ATG13: variants seen among roughly 807,000 people sequenced by gnomAD.
ATG13 encodes the protein autophagy-related protein 13.
A neutral mutation model predicts 65.5 loss-of-function variants in ATG13; 23 were observed. The ratio of observed to expected loss-of-function variants is 0.35; its 90% confidence interval spans 0.25 to 0.50. The LOEUF (loss-of-function observed/expected upper bound fraction) is 0.50. ATG13 is among the 20% of genes least tolerant of loss of function. The pLI, the probability that ATG13 is intolerant of heterozygous loss-of-function variation, is 0.98. For synonymous variants in ATG13, 252 were observed against 245.2 expected, an observed-to-expected ratio of 1.03 and a Z score of -0.26; for missense variants, 566 against 677.0, an observed-to-expected ratio of 0.84 and a Z score of 1.82.
intron 1 of ATG13, among the ~76,000 whole-genome samples, chr11:46,622,110 TATATATATATATATA>T (rs1565398368): frequency 4.3e-4 from 40 of 93,778 alleles, no homozygotes; most frequent in African/African-American, 1.5e-3. Context: ...TATATATATA[TATATATATATATATA>T]TATTTATTTT....
intron 10 of ATG13, among the ~76,000 whole-genome samples, chr11:46,658,343 T>C (rs2060445049): frequency 6.6e-6 from 1 of 152,164 alleles, no homozygotes; most frequent in Non-Finnish European, 1.5e-5. Flanking sequence ...GTGGAGTCTC[T>C]ACTACTGATA....
intron 11 of ATG13, among the ~76,000 whole-genome samples, chr11:46,663,506 A>G (rs1410168887): frequency 6.6e-6 from 1 of 152,138 alleles, no homozygotes; most frequent in Non-Finnish European, 1.5e-5. Flanking sequence ...TTCAAGTTCC[A>G]GCCACCCCTT....
intron 14 of ATG13, among the ~76,000 whole-genome samples, chr11:46,665,755 C>T (rs935612748): frequency 1.2e-4 from 18 of 150,342 alleles, no homozygotes; most frequent in Admixed American, 1.1e-3. Flanking sequence ...ATTAACCTGG[C>T]CAATATAGTG....
At chr11:46,620,833 G>T (rs1456214901) in intron 1 of ATG13, among the ~76,000 whole-genome samples, 1 of 152,008 alleles carries the variant, frequency 6.6e-6, no homozygotes, top group Non-Finnish European at 1.5e-5. Context: ...GGTCTCCTCA[G>T]TAAAAGTAAA....
intron 2 of ATG13, among the ~76,000 whole-genome samples, chr11:46,633,492 C>T (rs1042112372): frequency 4.0e-5 from 6 of 151,818 alleles, no homozygotes; most frequent in Admixed American, 2.0e-4. Flanking sequence ...GGATTACAGG[C>T]GCCCGCCACC....
At chr11:46,659,770 G>T (rs901809587) in intron 11 of ATG13, 15 of 292,878 alleles carry the variant, frequency 5.1e-5, no homozygotes, top group Non-Finnish European at 8.3e-5. Flanking sequence ...TGACACCAGA[G>T]ATTTTGTCTA....
intron 2 of ATG13, among the ~76,000 whole-genome samples, chr11:46,634,892 C>T (rs1467574470): frequency 4.0e-5 from 6 of 151,280 alleles, no homozygotes; most frequent in East Asian, 2.0e-4. Context: ...TAGTAGAGGC[C>T]GGGTTTCACC....
chr11:46,625,153 T>C (rs913835197), intron 1 of ATG13: 51 of 147,362 alleles, frequency 3.5e-4, no homozygotes, highest in Admixed American at 1.4e-4. Context: ...CATATCAAGA[T>C]CGCGTTGCTA....
At position 46,656,242 on chromosome 11, in the gene ATG13, T is replaced by C. The variant is rs1208469000; in HGVS notation, c.468T>C (p.Phe156=). The C allele has an allele frequency of 6.2e-7, 1 of 1,613,176 alleles. No homozygotes were observed. Among genetic ancestry groups the C allele is most frequent in the Admixed American group, 1.7e-5 (1 of 60,020 alleles). The part of the protein sequence containing the change: ...HEYVILYRIY[F]GEVQLSGLGE... ...TTTTTCTTCCATACAGGATATATTTTGGAGAAGTTCAGCTGAGTGGCTTAG... is the reference window on the plus strand; with the variant it reads ...TTTTTCTTCCATACAGGATATATTTCGGAGAAGTTCAGCTGAGTGGCTTAG... The change falls in exon 8 of 19, where the codon TTT becomes TTC. Residue 156 remains phenylalanine, a synonymous_variant. Transcript: ENST00000683050.
intron 3 of ATG13, 41 bp downstream of exon 3, chr11:46,644,401 A>G: frequency 6.6e-7 from 1 of 1,508,902 alleles, no homozygotes. Context: ...TGTTAGAAAT[A>G]ACTTCCGTGC....
chr11:46,631,691 C>A (rs1156684317), intron 2 of ATG13, among the ~76,000 whole-genome samples: 1 of 152,066 alleles, frequency 6.6e-6, no homozygotes. Flanking sequence ...AACGGAGACA[C>A]CCGACCCACC....
chr11:46,639,428 G>T (rs546645780), intron 2 of ATG13, among the ~76,000 whole-genome samples: 1 of 152,150 alleles, frequency 6.6e-6, no homozygotes. Context: ...TGACTCATTA[G>T]TGTAGATAGT....
At chr11:46,655,789 A>G (rs2059922445) in intron 7 of ATG13, among the ~76,000 whole-genome samples, 1 of 152,114 alleles carries the variant, frequency 6.6e-6, no homozygotes, top group Non-Finnish European at 1.5e-5. Context: ...CCAGGCTGGA[A>G]TGCAATGGTG....
chr11:46,632,717 G>A (rs1565445744), intron 2 of ATG13, among the ~76,000 whole-genome samples: 1 of 152,058 alleles, frequency 6.6e-6, no homozygotes, highest in East Asian at 1.9e-4. Context: ...AAAACCACTT[G>A]CCCCTGTGGT....
In ATG13 at chr11:46,638,661, A is replaced by G. The variant is rs904853229; in HGVS notation, c.-13-5618A>G. The G allele has an allele frequency of 2.6e-5, 4 of 152,108 alleles. No individual in the cohort carries two copies. In the East Asian group the frequency reaches 7.7e-4, roughly 29 times the overall value. The allele number at this position is 152,108 out of a possible 1,614,324, so 9.4% of individuals were successfully genotyped here. ...CTTTAATAACAACATCTTAGATTCC[A>G]CGAGTGAGATCATGCAGTATTTGTC... is the stretch of plus-strand genomic sequence containing the variant. On this transcript the variant is annotated intron_variant, in intron 2 of 18. Transcript: ENST00000683050.
intron 1 of ATG13, among the ~76,000 whole-genome samples, chr11:46,626,888 A>T (rs1415381925): frequency 6.6e-6 from 1 of 152,216 alleles, no homozygotes; most frequent in Non-Finnish European, 1.5e-5. Context: ...GAAGGTGTAA[A>T]CATTTGCTAT....
chr11:46,659,027 C>CA (rs1284925797), intron 10 of ATG13, among the ~76,000 whole-genome samples: 2 of 152,034 alleles, frequency 1.3e-5, no homozygotes, highest in Admixed American at 1.3e-4. Context: ...CCTGTCTCTA[C>CA]AAAAAATTAA....
chr11:46,648,964 A>C, intron 5 of ATG13, 173 bp from the exon 6 acceptor site: 1 of 461,488 alleles, frequency 2.2e-6, no homozygotes, highest in South Asian at 5.0e-5. Flanking sequence ...TCATCAAAAT[A>C]GCATATAGAC....
intron 1 of ATG13, among the ~76,000 whole-genome samples, chr11:46,627,496 G>A (rs1270509517): frequency 6.6e-6 from 1 of 151,914 alleles, no homozygotes; most frequent in Non-Finnish European, 1.5e-5. Flanking sequence ...TTGAGAAGAA[G>A]TTTTGCTCTT....
Sources: allele counts gnomAD v4.1 joint callset (sites outside exome capture counted in the v4.1 genomes callset), GRCh38; gene constraint gnomAD v4.1.1; transcripts MANE v1.5; gene names NCBI Gene and HGNC (gene_info 2026-07-23, HGNC 2026-07-21).